COPS3: variants seen among roughly 807,000 people sequenced by gnomAD.
The protein encoded by COPS3 is COP9 signalosome subunit 3, also known as COP9 signalosome complex subunit 3.
Under a neutral mutation model 58.2 loss-of-function variants are expected in COPS3, and 10 were observed. The ratio of observed to expected loss-of-function variants is 0.17; its 90% CI spans 0.11 to 0.29. The LOEUF is 0.29. COPS3 is among the 10% of genes least tolerant of loss of function. The pLI is 1.00. For synonymous variants in COPS3, 187 were observed against 181.7 expected, an observed-to-expected ratio of 1.03 and a Z score of -0.24; for missense variants, 333 against 510.1, an observed-to-expected ratio of 0.65 and a Z score of 3.34.
chr17:17,274,785 A>C (rs1315502555), intron 2 of COPS3, among the ~76,000 whole-genome samples: 1 of 149,974 alleles, frequency 6.7e-6, no homozygotes, highest in African/African-American at 2.5e-5. Context: ...TTTGAAATTT[A>C]CTTACAACCA....
intron 1 of COPS3, among the ~76,000 whole-genome samples, chr17:17,277,274 AG>A (rs2048480524): frequency 6.6e-6 from 1 of 152,140 alleles, no homozygotes; most frequent in Admixed American, 6.6e-5. Flanking sequence ...TGTAGTGGTT[AG>A]GTATTTCAGT....
chr17:17,265,058 T>G (rs1194829112), intron 5 of COPS3, 77 bp from the exon 6 acceptor site: 1 of 1,220,128 alleles, frequency 8.2e-7, no homozygotes, highest in African/African-American at 1.5e-5. Context: ...AATTCATTGA[T>G]TCCAGAAATT....
At chr17:17,270,159 A>G (rs2145241300) in intron 4 of COPS3, among the ~76,000 whole-genome samples, 2 of 150,886 alleles carry the variant, frequency 1.3e-5, no homozygotes, top group Admixed American at 1.3e-4. Context: ...TCTGTCTCCA[A>G]AAAAAAAAAC....
chr17:17,280,124 C>A (rs7224172), intron 1 of COPS3, among the ~76,000 whole-genome samples: 15,381 of 151,744 alleles, frequency 0.1, 802 homozygotes, highest in African/African-American at 0.13. Context: ...AAAAATTAGC[C>A]GCGTGGGCTG....
At chr17:17,250,832 A>G (rs1343657903) in intron 9 of COPS3, among the ~76,000 whole-genome samples, 3 of 152,228 alleles carry the variant, frequency 2.0e-5, no homozygotes, top group Non-Finnish European at 4.4e-5. Context: ...AACCAGCCCA[A>G]TACATATTAT....
chr17:17,273,041 C>G (rs2048385684), intron 2 of COPS3, among the ~76,000 whole-genome samples: 1 of 152,170 alleles, frequency 6.6e-6, no homozygotes, highest in African/African-American at 2.4e-5. Flanking sequence ...CAGTAGAATT[C>G]TTTTTCTCTT....
chr17:17,275,647 T>TA (rs1567863478), intron 2 of COPS3, among the ~76,000 whole-genome samples: 1 of 152,064 alleles, frequency 6.6e-6, no homozygotes, highest in East Asian at 1.9e-4. Context: ...AATAAATAAA[T>TA]AAAAATAAAG....
intron 2 of COPS3, among the ~76,000 whole-genome samples, chr17:17,273,087 G>T (rs1396771707): frequency 6.6e-6 from 1 of 152,146 alleles, no homozygotes; most frequent in Non-Finnish European, 1.5e-5. Flanking sequence ...TATTGTGGTT[G>T]TCATGACATT....
chr17:17,261,526 C>CTAAATAAATAAATAAA (rs56073511), intron 7 of COPS3: 1 of 290,428 alleles, frequency 3.4e-6, no homozygotes, highest in African/African-American at 2.4e-5. Context: ...AACTCCATTT[C>CTAAATAAATAAATAAA]TAAATAAATA....
intron 1 of COPS3, chr17:17,280,814 G>A: frequency 1.6e-6 from 2 of 1,251,978 alleles, no homozygotes; most frequent in South Asian, 1.7e-5. Context: ...ATAGTCGCCC[G>A]AGATGGCTCC....
intron 5 of COPS3, 62 bp from the exon 6 acceptor site, chr17:17,265,043 G>A (rs1442212106): frequency 1.1e-5 from 15 of 1,428,034 alleles, no homozygotes; most frequent in East Asian, 2.3e-5. Context: ...TTAGCAGAAG[G>A]AGAAAATTCA....
chr17:17,251,380 C>T (rs900267882), intron 9 of COPS3, among the ~76,000 whole-genome samples: 5 of 152,100 alleles, frequency 3.3e-5, no homozygotes, highest in East Asian at 1.9e-4. Context: ...CTGCAACCTC[C>T]GCCTCCTGGG....
At chr17:17,275,719 G>A (rs1454261985) in intron 2 of COPS3, among the ~76,000 whole-genome samples, 3 of 152,244 alleles carry the variant, frequency 2.0e-5, no homozygotes, top group South Asian at 4.1e-4. Flanking sequence ...CAAGGTGGGC[G>A]GACCAAGAGG....
chr17:17,260,253 G>T, intron 8 of COPS3, 48 bp downstream of exon 8: 1 of 1,571,978 alleles, frequency 6.4e-7, no homozygotes. Flanking sequence ...GGGAAACATG[G>T]CCCCCAGGGG....
At chr17:17,250,048 G>T (rs150703403) in intron 9 of COPS3, among the ~76,000 whole-genome samples, 36 of 152,254 alleles carry the variant, frequency 2.4e-4, no homozygotes, top group African/African-American at 8.2e-4. Flanking sequence ...AGGCCCATTA[G>T]CAGTCCCTCC....
chr17:17,275,681 C>T (rs949142927), intron 2 of COPS3, among the ~76,000 whole-genome samples: 15 of 152,156 alleles, frequency 9.9e-5, no homozygotes, highest in Admixed American at 7.9e-4. Context: ...TGGTGGCTCA[C>T]GCCTGTAATC....
Position 17,247,053 on chromosome 17 carries a change from C to T in COPS3, c.*45G>A. On this transcript the variant is annotated 3_prime_UTR_variant, in exon 12 of 12. Coordinates refer to ENST00000268717, the MANE Select transcript of COPS3 (RefSeq NM_003653.4). ...CTGCCCTCCGAACACTTGTCACTGG[C>T]CAAGATGGTAGTTTCTCTTGTTTAG... 2 of 1,559,854 alleles carry T rather than the reference C, an allele frequency of 1.3e-6. No homozygotes were observed. The highest frequency in any genetic ancestry group is 1.8e-6 in the Non-Finnish European group (2 of 1,130,714).
At chr17:17,272,156 C>T (rs2048367175) in intron 2 of COPS3, among the ~76,000 whole-genome samples, 1 of 152,116 alleles carries the variant, frequency 6.6e-6, no homozygotes, top group Non-Finnish European at 1.5e-5. Context: ...GGCACGGTGG[C>T]TCACGCCTAT....
At chr17:17,252,913 A>G (rs913838590) in intron 9 of COPS3, among the ~76,000 whole-genome samples, 1 of 152,192 alleles carries the variant, frequency 6.6e-6, no homozygotes, top group Admixed American at 6.5e-5. Flanking sequence ...GAACACTTGT[A>G]AATTCAACTA....
Sources: allele counts gnomAD v4.1 joint callset (sites outside exome capture counted in the v4.1 genomes callset), GRCh38; gene constraint gnomAD v4.1.1; transcripts MANE v1.5; gene names NCBI Gene and HGNC (gene_info 2026-07-23, HGNC 2026-07-21).